The following STARD13 variants were observed in gnomAD, a reference collection of about 807,000 sequenced individuals.
STARD13 encodes StAR related lipid transfer domain containing 13.
STARD13 carries 62 observed loss-of-function variants against 106.4 expected under a neutral mutation model. That is an observed-to-expected ratio of 0.58 (90% CI 0.48 to 0.72). The LOEUF is 0.72. Among genes scored for constraint, STARD13 ranks in the 30% least tolerant of loss-of-function variants. The probability of loss-of-function intolerance (pLI) is 0.00; values close to 1 mark genes in which losing one functional copy is unlikely to be tolerated. For synonymous variants in STARD13, 565 were observed against 553.0 expected, an observed-to-expected ratio of 1.02 and a Z score of -0.31; for missense variants, 1,387 against 1,424.0, an observed-to-expected ratio of 0.97 and a Z score of 0.42.
At chr13:33,237,170 CT>C (rs1303035011) in intron 1 of STARD13, among the ~76,000 whole-genome samples, 1 of 152,206 alleles carries the variant, frequency 6.6e-6, no homozygotes, top group Non-Finnish European at 1.5e-5. Flanking sequence ...TCTTTCTGCA[CT>C]CAGCCCCACT....
At chr13:33,297,715 T>A (rs1892551528) in intron 1 of STARD13, among the ~76,000 whole-genome samples, 1 of 152,174 alleles carries the variant, frequency 6.6e-6, no homozygotes, top group Admixed American at 6.6e-5. Context: ...TAAATCTCCA[T>A]TTTTAAAATA....
chr13:33,305,925 C>T (rs533111517), intron 1 of STARD13, among the ~76,000 whole-genome samples: 2 of 152,164 alleles, frequency 1.3e-5, no homozygotes, highest in Non-Finnish European at 2.9e-5. Context: ...AGATTCAATG[C>T]TATTCCCATT....
At chr13:33,655,065 A>G in the STARD13 span, among the ~76,000 whole-genome samples, 12 of 152,372 alleles carry the variant, frequency 7.9e-5, no homozygotes, top group East Asian at 2.1e-3. Context: ...ACAAATCTGA[A>G]TGCTTTAGAA....
chr13:33,449,941 C>A, the STARD13 span, among the ~76,000 whole-genome samples: 1 of 152,122 alleles, frequency 6.6e-6, no homozygotes, highest in Non-Finnish European at 1.5e-5. Context: ...TTGTATCTTG[C>A]AACTTTGCTT....
At chr13:33,112,198 C>A (rs1593857391) in intron 9 of STARD13, among the ~76,000 whole-genome samples, 2 of 152,156 alleles carry the variant, frequency 1.3e-5, no homozygotes, top group East Asian at 3.9e-4. Flanking sequence ...TTAAATATAG[C>A]CTTTTAAAAA....
chr13:33,276,042 T>C (rs1891414056), intron 1 of STARD13: 1 of 152,204 alleles, frequency 6.6e-6, no homozygotes, highest in Non-Finnish European at 1.5e-5. Context: ...CTGATTTCCC[T>C]TCTTCTTGCC....
Position 33,104,987 on chromosome 13 carries a change from A to G in STARD13, c.*606T>C, listed in dbSNP as rs1873510491. The G allele has an allele frequency of 6.5e-6, 1 of 152,956 alleles. No individual in the cohort carries two copies. Among genetic ancestry groups the G allele is most frequent in the Non-Finnish European group, 1.5e-5 (1 of 68,056 alleles). The allele number at this position is 152,956 out of a possible 1,614,324, so 9.5% of individuals were successfully genotyped here. ...AATAGCAGAAACAAAGCGTTAACAC[A>G]TAAGTCTCCTTTAATGTTATTTTCC... On this transcript the variant is annotated 3_prime_UTR_variant, in exon 14 of 14. Transcript: ENST00000336934.
upstream of STARD13, among the ~76,000 whole-genome samples, chr13:33,285,916 C>T (rs957440359): frequency 1.3e-5 from 2 of 152,012 alleles, no homozygotes; most frequent in Admixed American, 1.3e-4. Flanking sequence ...GTCCCTCACA[C>T]AACGCTGAAA....
intron 6 of STARD13, 92 bp from the exon 7 acceptor site, chr13:33,126,332 G>A: frequency 8.0e-7 from 1 of 1,246,188 alleles, no homozygotes; most frequent in Non-Finnish European, 1.1e-6. Flanking sequence ...CCAGGCTTTT[G>A]TTGGAATACC....
At chr13:33,663,841 C>T in the STARD13 span, among the ~76,000 whole-genome samples, 2 of 152,172 alleles carry the variant, frequency 1.3e-5, no homozygotes, top group Non-Finnish European at 1.5e-5. Flanking sequence ...AAACAAGAAA[C>T]CCCGGGTTCC....
At chr13:33,531,734 C>G in the STARD13 span, among the ~76,000 whole-genome samples, 1 of 152,084 alleles carries the variant, frequency 6.6e-6, no homozygotes, top group South Asian at 2.1e-4. Flanking sequence ...AGTTCATATC[C>G]AATACTTCCA....
At chr13:33,499,229 T>C in the STARD13 span, among the ~76,000 whole-genome samples, 1 of 152,248 alleles carries the variant, frequency 6.6e-6, no homozygotes, top group Non-Finnish European at 1.5e-5. Flanking sequence ...ATCTTATGTT[T>C]ATAAATGACA....
chr13:33,227,144 A>T (rs1275158161), intron 1 of STARD13, among the ~76,000 whole-genome samples: 5 of 152,232 alleles, frequency 3.3e-5, no homozygotes, highest in South Asian at 2.1e-4. Flanking sequence ...AATTGGTCTC[A>T]TCTACAACCT....
chr13:33,511,054 A>G, the STARD13 span, among the ~76,000 whole-genome samples: 5 of 152,122 alleles, frequency 3.3e-5, no homozygotes, highest in South Asian at 1.0e-3. Flanking sequence ...TCATGCCTGT[A>G]ATCCCAGCAC....
chr13:33,416,147 T>A, the STARD13 span, among the ~76,000 whole-genome samples: 7 of 152,368 alleles, frequency 4.6e-5, no homozygotes, highest in East Asian at 1.2e-3. Context: ...CAGATTTATA[T>A]CCATAGTGTG....
At chr13:33,436,883 A>G in the STARD13 span, among the ~76,000 whole-genome samples, 9 of 152,180 alleles carry the variant, frequency 5.9e-5, no homozygotes, top group South Asian at 1.2e-3. Flanking sequence ...GTTTTGGAAC[A>G]CAAGAAAAAA....
chr13:33,204,522 G>C (rs943460286), intron 1 of STARD13, among the ~76,000 whole-genome samples: 3 of 152,120 alleles, frequency 2.0e-5, no homozygotes, highest in Non-Finnish European at 4.4e-5. Context: ...TTTCTTATGA[G>C]ACGCGTGGAA....
intron 1 of STARD13, among the ~76,000 whole-genome samples, chr13:33,330,977 A>G (rs757787442): frequency 3.3e-5 from 5 of 152,236 alleles, no homozygotes; most frequent in Non-Finnish European, 7.3e-5. Flanking sequence ...GACAGAATGG[A>G]TATAAAAATA....
intron 1 of STARD13, among the ~76,000 whole-genome samples, chr13:33,231,232 A>T (rs1273464727): frequency 6.6e-6 from 1 of 152,008 alleles, no homozygotes; most frequent in African/African-American, 2.4e-5. Flanking sequence ...CAGGCCCTCA[A>T]GCTGCTGACT....
Sources: allele counts gnomAD v4.1 joint callset (sites outside exome capture counted in the v4.1 genomes callset), GRCh38; gene constraint gnomAD v4.1.1; transcripts MANE v1.5; gene names NCBI Gene and HGNC (gene_info 2026-07-23, HGNC 2026-07-21).